Variants in NPAS3 observed in about 807,000 individuals in gnomAD.
The protein encoded by NPAS3 is neuronal PAS domain protein 3.
In NPAS3, 14 loss-of-function variants were observed where a neutral mutation model predicts 73.1. That is an observed-to-expected ratio of 0.19 (90% CI 0.13 to 0.30). The LOEUF (loss-of-function observed/expected upper bound fraction) is 0.30. Among genes scored for constraint, NPAS3 ranks in the 10% least tolerant of loss-of-function variants. NPAS3 has a pLI of 1.00. For synonymous variants in NPAS3, 620 were observed against 541.5 expected (o/e 1.14, Z -2.01); for missense variants, 1,096 against 1,250.0 (o/e 0.88, Z 1.86).
chr14:33,731,542 CT>C (rs941975380), intron 6 of NPAS3, among the ~76,000 whole-genome samples: 4 of 152,082 alleles, frequency 2.6e-5, no homozygotes, highest in African/African-American at 4.8e-5. Flanking sequence ...AAACCTGGCC[CT>C]AGTTTCAGCC....
At chr14:33,668,412 A>G (rs2059517062) in intron 5 of NPAS3, among the ~76,000 whole-genome samples, 1 of 152,218 alleles carries the variant, frequency 6.6e-6, no homozygotes, top group Admixed American at 6.5e-5. Context: ...TATAAACCAC[A>G]TTATTTTACT....
intron 2 of NPAS3, among the ~76,000 whole-genome samples, chr14:33,183,802 G>A (rs1229005500): frequency 6.6e-6 from 1 of 152,104 alleles, no homozygotes; most frequent in Non-Finnish European, 1.5e-5. Context: ...TTCATTGTCT[G>A]ATCCTTGCTG....
intron 5 of NPAS3, among the ~76,000 whole-genome samples, chr14:33,653,872 G>A (rs947271040): frequency 1.3e-5 from 2 of 152,110 alleles, no homozygotes; most frequent in Non-Finnish European, 2.9e-5. Flanking sequence ...ACTAAAACAG[G>A]CCCGTTATTG....
intron 3 of NPAS3, among the ~76,000 whole-genome samples, chr14:33,337,299 C>T (rs1187510064): frequency 1.3e-5 from 2 of 152,042 alleles, no homozygotes; most frequent in Non-Finnish European, 2.9e-5. Flanking sequence ...TTTATTTATA[C>T]TTTTGACATA....
chr14:33,078,360 A>C (rs2041743436), intron 2 of NPAS3, among the ~76,000 whole-genome samples: 1 of 152,160 alleles, frequency 6.6e-6, no homozygotes, highest in Admixed American at 6.5e-5. Context: ...AAGAAGCTCC[A>C]ATTCTCTTCT....
At chr14:33,292,442 T>C (rs1002646583) in intron 3 of NPAS3, among the ~76,000 whole-genome samples, 1 of 152,174 alleles carries the variant, frequency 6.6e-6, no homozygotes, top group African/African-American at 2.4e-5. Context: ...TGTGGCTAGA[T>C]TTTAATTATT....
At chr14:33,605,461 T>C (rs1338014018) in intron 5 of NPAS3, among the ~76,000 whole-genome samples, 2 of 149,864 alleles carry the variant, frequency 1.3e-5, no homozygotes, top group African/African-American at 4.9e-5. Context: ...GAAAATCTGA[T>C]TGAATCCATA....
chr14:33,140,735 C>T (rs1432855566), intron 2 of NPAS3, among the ~76,000 whole-genome samples: 2 of 152,060 alleles, frequency 1.3e-5, no homozygotes, highest in African/African-American at 4.8e-5. Context: ...TCAGAAATTC[C>T]TCCTTTTCTT....
At chr14:32,940,399 C>T (rs1240804546) in intron 1 of NPAS3, among the ~76,000 whole-genome samples, 1 of 152,220 alleles carries the variant, frequency 6.6e-6, no homozygotes, top group Non-Finnish European at 1.5e-5. Flanking sequence ...TCCTGCTGTC[C>T]ACCCAGCCTA....
At chr14:33,679,576 A>G (rs1432870518) in intron 6 of NPAS3, among the ~76,000 whole-genome samples, 1 of 152,218 alleles carries the variant, frequency 6.6e-6, no homozygotes, top group Non-Finnish European at 1.5e-5. Flanking sequence ...GGTGTAATTT[A>G]GTTGGGAAAG....
intron 3 of NPAS3, among the ~76,000 whole-genome samples, chr14:33,290,451 A>G (rs570605067): frequency 6.6e-6 from 1 of 152,218 alleles, no homozygotes; most frequent in Admixed American, 6.5e-5. Context: ...GCAAGTGTAC[A>G]CTTTATGGGA....
chr14:32,943,951 A>G, intron 1 of NPAS3, among the ~76,000 whole-genome samples: 1 of 152,012 alleles, frequency 6.6e-6, no homozygotes, highest in East Asian at 1.9e-4. Context: ...CAGCCTCCCA[A>G]AGTGCTGGGA....
chr14:33,445,080 T>C (rs1194599344), intron 4 of NPAS3, among the ~76,000 whole-genome samples: 1 of 152,274 alleles, frequency 6.6e-6, no homozygotes, highest in East Asian at 1.9e-4. Flanking sequence ...ACATTGTTTG[T>C]GTTTGTTCAC....
chr14:33,425,171 C>A (rs1488800971), intron 4 of NPAS3, among the ~76,000 whole-genome samples: 3 of 151,918 alleles, frequency 2.0e-5, no homozygotes, highest in Non-Finnish European at 4.4e-5. Flanking sequence ...TATGGTGAGA[C>A]CATGGTGAAA....
At chr14:33,716,214 T>C (rs1236770158) in intron 6 of NPAS3, among the ~76,000 whole-genome samples, 1 of 152,198 alleles carries the variant, frequency 6.6e-6, no homozygotes, top group Non-Finnish European at 1.5e-5. Flanking sequence ...CAGCAGAGTG[T>C]AAGTGCTTCA....
chr14:33,178,619 G>A (rs183459497), intron 2 of NPAS3, among the ~76,000 whole-genome samples: 1 of 152,174 alleles, frequency 6.6e-6, no homozygotes, highest in East Asian at 1.9e-4. Context: ...CTTTTTTGCA[G>A]TGTTCATTCC....
intron 6 of NPAS3, among the ~76,000 whole-genome samples, chr14:33,691,710 T>C (rs542107497): frequency 4.6e-5 from 7 of 152,240 alleles, no homozygotes; most frequent in Non-Finnish European, 8.8e-5. Flanking sequence ...TACACTTTCA[T>C]AGTAAGGCAA....
At chr14:33,115,871 A>G (rs2043047495) in intron 2 of NPAS3, among the ~76,000 whole-genome samples, 2 of 152,112 alleles carry the variant, frequency 1.3e-5, no homozygotes, top group Admixed American at 1.3e-4. Context: ...AGAAATCTCT[A>G]TGATAGATCC....
At chr14:33,298,158 C>T (rs370130958) in intron 3 of NPAS3, among the ~76,000 whole-genome samples, 6 of 152,128 alleles carry the variant, frequency 3.9e-5, no homozygotes, top group African/African-American at 1.2e-4. Context: ...TGGTACATGC[C>T]TGTAATCCCA....
Sources: allele counts gnomAD v4.1 joint callset (sites outside exome capture counted in the v4.1 genomes callset), GRCh38; gene constraint gnomAD v4.1.1; transcripts MANE v1.5; gene names NCBI Gene and HGNC (gene_info 2026-07-23, HGNC 2026-07-21).